The following C5orf47 variants were observed in gnomAD, a reference collection of about 807,000 sequenced individuals.
The protein encoded by C5orf47 is chromosome 5 open reading frame 47.
Under a neutral mutation model 20.6 loss-of-function variants are expected in C5orf47, and 20 were observed. The observed-to-expected ratio is 0.97, with a 90% CI of 0.68 to 1.41. C5orf47 has a LOEUF of 1.41. Ranked by LOEUF, C5orf47 falls within the 40% of genes most tolerant of loss-of-function variation. The pLI is 0.00. For missense variants in C5orf47, 262 were observed against 238.4 expected (o/e 1.10, Z -0.65); for synonymous variants, 106 against 97.3 (o/e 1.09, Z -0.53).
At chr5:174,003,674 T>TAAA (rs1206808428) in intron 4 of C5orf47, among the ~76,000 whole-genome samples, 1 of 152,056 alleles carries the variant, frequency 6.6e-6, no homozygotes, top group Non-Finnish European at 1.5e-5. Flanking sequence ...TATCAGGCAA[T>TAAA]GTCGAGGATA....
Position 173,997,575 on chromosome 5 carries a change from A to T in C5orf47, c.326-578A>T, listed in dbSNP as rs1020885935. On this transcript the variant is annotated intron_variant, in intron 1 of 4. Transcript: ENST00000340147. ...AGTGGAGGAAACACATGATAAAAAGATAGGCTGAGTGCTATGAAGAAGGTG... is the reference window on the plus strand; with the variant it reads ...AGTGGAGGAAACACATGATAAAAAGTTAGGCTGAGTGCTATGAAGAAGGTG... 2.9e-4 allele frequency among the ~76,000 whole-genome samples: 44 copies of T among 152,092 alleles called. 1 individual carries two copies. The highest frequency in any genetic ancestry group is 2.8e-3 in the Admixed American group (43 of 15,266).
At chr5:173,999,495 T>C (rs1049388497) in intron 2 of C5orf47, among the ~76,000 whole-genome samples, 3 of 152,158 alleles carry the variant, frequency 2.0e-5, no homozygotes, top group African/African-American at 7.2e-5. Flanking sequence ...GAGGAAATTC[T>C]AGGAATTTTG....
intron 4 of C5orf47, among the ~76,000 whole-genome samples, chr5:174,003,716 T>C (rs574713019): frequency 6.6e-6 from 1 of 152,154 alleles, no homozygotes; most frequent in South Asian, 2.1e-4. Context: ...AGTCAGGGAT[T>C]ATAGGGACTT....
Position 174,005,809 on chromosome 5 carries a change from A to G in C5orf47, c.*1555A>G, listed in dbSNP as rs1342716428. The G allele has an allele frequency of 6.6e-6, 1 of 152,300 alleles. No individual in the cohort carries two copies. The highest frequency in any genetic ancestry group is 1.5e-5 in the Non-Finnish European group (1 of 68,020). The allele number at this position is 152,300 out of a possible 1,614,324, so 9.4% of individuals were successfully genotyped here. On this transcript the variant is annotated 3_prime_UTR_variant, in exon 5 of 5. Coordinates refer to ENST00000340147, the MANE Select transcript of C5orf47 (RefSeq NM_001144954.2). ...TTGACATAGTAGTCTGTTTTAATTT[A>G]TTAGGTATATCAATATTTGTTAGAT...
intron 3 of C5orf47, among the ~76,000 whole-genome samples, chr5:174,000,405 AAAATT>A (rs1291647264): frequency 2.6e-5 from 4 of 152,154 alleles, no homozygotes; most frequent in Non-Finnish European, 5.9e-5. Context: ...GGATTTTAAA[AAAATT>A]AAGTTGGATA....
chr5:173,999,818 T>TAAAA lies in C5orf47; in HGVS notation c.511+20_511+21insAAAA. ...AGTGAAAGTAAGTTAACACAATTTTTATTGTATTAAAAAGACTGGCCTCTG... is the reference window on the plus strand; with the variant it reads ...AGTGAAAGTAAGTTAACACAATTTTTAAAAATTGTATTAAAAAGACTGGCCTCTG... On this transcript the variant is annotated intron_variant, in intron 3 of 4. Coordinates refer to ENST00000340147, the MANE Select transcript of C5orf47 (RefSeq NM_001144954.2). 5 of 1,344,970 alleles carry TAAAA rather than the reference T, an allele frequency of 3.7e-6. No homozygotes were observed. The highest frequency in any genetic ancestry group is 1.3e-5 in the South Asian group (1 of 75,226). 83.3% of individuals were successfully genotyped at this position (1,344,970 alleles called of 1,614,324 possible). A position where few individuals can be genotyped will look rare whatever the true frequency, so the allele number is the denominator to read the frequency against.
intron 4 of C5orf47, among the ~76,000 whole-genome samples, chr5:174,001,781 A>ATC (rs1467806415): frequency 2.0e-5 from 3 of 151,978 alleles, no homozygotes; most frequent in Non-Finnish European, 4.4e-5. Flanking sequence ...TCACTCTGAG[A>ATC]TAACTCACAG....
chr5:174,005,385 T>G lies in C5orf47; in HGVS notation c.*1131T>G, dbSNP rs1269278771. 6.6e-6 allele frequency: 1 copy of G among 152,268 alleles called. No individual in the cohort carries two copies. Among genetic ancestry groups the G allele is most frequent in the African/African-American group, 2.4e-5 (1 of 41,474 alleles). The allele number at this position is 152,268 out of a possible 1,614,324, so 9.4% of individuals were successfully genotyped here. A position where few individuals can be genotyped will look rare whatever the true frequency, so the allele number is the denominator to read the frequency against. ...GTAAAGTAATTCATAGTTTTGTTTTTTCCTCTAATAGTTGTAACTTAATTA... is the reference window on the plus strand; with the variant it reads ...GTAAAGTAATTCATAGTTTTGTTTTGTCCTCTAATAGTTGTAACTTAATTA... On this transcript the variant is annotated 3_prime_UTR_variant, in exon 5 of 5. Coordinates refer to ENST00000340147, the MANE Select transcript of C5orf47 (RefSeq NM_001144954.2).
In C5orf47 at chr5:174,005,636, T is replaced by G. The variant is rs1476429935; in HGVS notation, c.*1382T>G. 1 of 152,368 alleles carries G rather than the reference T, an allele frequency of 6.6e-6. No homozygotes were observed. The highest frequency in any genetic ancestry group is 1.5e-5 in the Non-Finnish European group (1 of 68,036). 9.4% of individuals were successfully genotyped at this position (152,368 alleles called of 1,614,324 possible). A position where few individuals can be genotyped will look rare whatever the true frequency, so the allele number is the denominator to read the frequency against. On this transcript the variant is annotated 3_prime_UTR_variant, in exon 5 of 5. Transcript: ENST00000340147. The stretch of plus-strand genomic sequence containing the variant: ...AATCCTTGGGTGAAGCTTCAAATTT[T>G]AGCTTATGCAACTGAAGTCCATTGC...
At chr5:174,002,629 T>C (rs1759219519) in intron 4 of C5orf47, among the ~76,000 whole-genome samples, 1 of 152,202 alleles carries the variant, frequency 6.6e-6, no homozygotes, top group South Asian at 2.1e-4. Flanking sequence ...CTTCAGTGTA[T>C]ATAACCTAAG....
chr5:173,998,920 T>C (rs1759147241), intron 2 of C5orf47, among the ~76,000 whole-genome samples: 1 of 152,206 alleles, frequency 6.6e-6, no homozygotes, highest in South Asian at 2.1e-4. Context: ...GGTTAATAAC[T>C]CTTGCACCAA....
chr5:173,994,998 A>G (rs1759063311), intron 1 of C5orf47, among the ~76,000 whole-genome samples: 2 of 152,006 alleles, frequency 1.3e-5, no homozygotes, highest in African/African-American at 4.8e-5. Context: ...TTTTTAGTAG[A>G]GATGGGATTT....
intron 2 of C5orf47, 135 bp downstream of exon 2, chr5:173,998,373 A>G: frequency 1.8e-6 from 1 of 562,480 alleles, no homozygotes; most frequent in Non-Finnish European, 3.1e-6. Flanking sequence ...AATGAGAAAT[A>G]GAAGTAATTC....
At chr5:173,998,281 A>G (rs1561648254) in intron 2 of C5orf47, 43 bp downstream of exon 2, 2 of 1,017,684 alleles carry the variant, frequency 2.0e-6, no homozygotes, top group Non-Finnish European at 2.9e-6. Flanking sequence ...TGAATTTTAG[A>G]TCATCCTCTC....
At chr5:173,990,728 G>A (rs1758979063) in intron 1 of C5orf47, among the ~76,000 whole-genome samples, 1 of 152,140 alleles carries the variant, frequency 6.6e-6, no homozygotes, top group Non-Finnish European at 1.5e-5. Flanking sequence ...GTGAGCCACC[G>A]CGCCAGGCCC....
chr5:174,002,559 G>A (rs982196918), intron 4 of C5orf47, among the ~76,000 whole-genome samples: 1 of 151,590 alleles, frequency 6.6e-6, no homozygotes, highest in African/African-American at 2.4e-5. Context: ...AAGATTTGCT[G>A]TTTTTTAACA....
At chr5:174,000,436 AT>A (rs1326340591) in intron 3 of C5orf47, among the ~76,000 whole-genome samples, 2 of 152,158 alleles carry the variant, frequency 1.3e-5, no homozygotes, top group African/African-American at 4.8e-5. Context: ...TATGTAACTA[AT>A]AATGCAATGT....
At chr5:173,989,644 G>C (rs1418183775) in intron 1 of C5orf47, 56 bp downstream of exon 1, 57 of 1,309,614 alleles carry the variant, frequency 4.4e-5, no homozygotes, top group South Asian at 5.6e-5. Context: ...GGGGCGGAGC[G>C]GGCTCAGCTG....
At chr5:173,999,531 T>C (rs1490014777) in intron 2 of C5orf47, among the ~76,000 whole-genome samples, 169 bp from the exon 3 acceptor site, 2 of 152,140 alleles carry the variant, frequency 1.3e-5, no homozygotes, top group African/African-American at 4.8e-5. Context: ...ATTTCAGTGA[T>C]CGTGGGTAAA....
Sources: gnomAD v4.1 joint callset for allele counts (sites outside exome capture counted in the v4.1 genomes callset) on GRCh38, gnomAD v4.1.1 for gene constraint, MANE v1.5 for transcripts, NCBI Gene and HGNC (gene_info 2026-07-23, HGNC 2026-07-21) for gene names.